The following EPS15L1 variants were observed in gnomAD, a reference collection of about 807,000 sequenced individuals.
EPS15L1 encodes epidermal growth factor receptor substrate 15-like 1.
EPS15L1 carries 43 observed loss-of-function variants against 117.1 expected under a neutral mutation model. The observed-to-expected ratio is 0.37, with a 90% CI of 0.29 to 0.47. EPS15L1 has a LOEUF of 0.47. Among genes scored for constraint, EPS15L1 ranks in the 20% least tolerant of loss-of-function variants. The pLI is 0.99. For missense variants in EPS15L1, 981 were observed against 1,164.0 expected, an observed-to-expected ratio of 0.84 and a Z score of 2.29; for synonymous variants, 459 against 470.5, an observed-to-expected ratio of 0.98 and a Z score of 0.32.
At chr19:16,401,155 G>A (rs1196015166) in intron 16 of EPS15L1, 5 of 985,246 alleles carry the variant, frequency 5.1e-6, no homozygotes, top group African/African-American at 3.5e-5. Context: ...ACCTCATTAC[G>A]AGTCCACGAG....
intron 16 of EPS15L1, among the ~76,000 whole-genome samples, chr19:16,399,043 A>G (rs1471721038): frequency 6.6e-6 from 1 of 152,154 alleles, no homozygotes; most frequent in East Asian, 1.9e-4. Flanking sequence ...CTGCCAAGTA[A>G]CAGTGAACAA....
chr19:16,387,713 C>G (rs1258235391), intron 19 of EPS15L1, among the ~76,000 whole-genome samples: 1 of 152,136 alleles, frequency 6.6e-6, no homozygotes, highest in Non-Finnish European at 1.5e-5. Context: ...TTGCAGTGAG[C>G]TGAGATCATG....
chr19:16,360,710 T>C (rs1039021948), intron 23 of EPS15L1, among the ~76,000 whole-genome samples: 2 of 152,152 alleles, frequency 1.3e-5, no homozygotes, highest in Non-Finnish European at 2.9e-5. Context: ...ATCGCGCCAA[T>C]GCAGACCAGG....
At chr19:16,358,183 G>A (rs2092007474) in intron 23 of EPS15L1, 1 of 152,784 alleles carries the variant, frequency 6.5e-6, no homozygotes, top group Non-Finnish European at 1.5e-5. Flanking sequence ...CCCTTGACGG[G>A]TCTGTGTTTC....
intron 13 of EPS15L1, among the ~76,000 whole-genome samples, chr19:16,411,794 G>T (rs1218891080): frequency 6.6e-6 from 1 of 152,066 alleles, no homozygotes; most frequent in African/African-American, 2.4e-5. Flanking sequence ...TAAACTCCTG[G>T]GCTCAAGTGA....
At chr19:16,442,094 C>T (rs1356563425) in intron 2 of EPS15L1, 84 bp downstream of exon 2, 9 of 1,492,320 alleles carry the variant, frequency 6.0e-6, no homozygotes, top group African/African-American at 1.4e-5. Context: ...GACAAAAGGC[C>T]GCTCAGCCGG....
chr19:16,377,437 C>T (rs1191184192), intron 21 of EPS15L1, among the ~76,000 whole-genome samples, 183 bp from the exon 22 acceptor site: 9 of 152,184 alleles, frequency 5.9e-5, no homozygotes, highest in Non-Finnish European at 1.2e-4. Flanking sequence ...CCACCCTCAA[C>T]AGCAGGGGCC....
At chr19:16,387,307 T>G (rs1179187672) in intron 19 of EPS15L1, among the ~76,000 whole-genome samples, 1 of 152,100 alleles carries the variant, frequency 6.6e-6, no homozygotes, top group African/African-American at 2.4e-5. Context: ...CTACTAAAAA[T>G]ACAAAAATTG....
Position 16,426,859 on chromosome 19 carries a change from A to C in EPS15L1, c.559-1543T>G, listed in dbSNP as rs899525817. Among the ~76,000 whole-genome samples the C allele has an allele frequency of 2.6e-5, 4 of 152,218 alleles. No individual in the cohort carries two copies. The South Asian group carries it at 8.3e-4, about 32-fold the overall frequency. ...ATAATAATAGACACGCTCATACAGAATATAAGGGGTATATACAGGATATAA... is the reference window on the plus strand; with the variant it reads ...ATAATAATAGACACGCTCATACAGACTATAAGGGGTATATACAGGATATAA... On this transcript the variant is annotated intron_variant, in intron 8 of 23. Coordinates refer to ENST00000455140, the MANE Select transcript of EPS15L1 (RefSeq NM_001258374.3).
At chr19:16,384,735 G>A (rs534431357) in intron 21 of EPS15L1, among the ~76,000 whole-genome samples, 4 of 152,292 alleles carry the variant, frequency 2.6e-5, no homozygotes, top group South Asian at 4.1e-4. Flanking sequence ...TCACATGGGC[G>A]ACTCTGAACA....
chr19:16,467,237 C>T (rs554091513), intron 1 of EPS15L1, among the ~76,000 whole-genome samples: 14 of 151,932 alleles, frequency 9.2e-5, no homozygotes, highest in Middle Eastern at 3.4e-3. Context: ...CAACCTCCGC[C>T]TCCTGGGTTC....
At chr19:16,458,512 G>T (rs528810109) in intron 1 of EPS15L1, among the ~76,000 whole-genome samples, 1 of 127,726 alleles carries the variant, frequency 7.8e-6, no homozygotes, top group Non-Finnish European at 1.6e-5. Flanking sequence ...CCTCACCCAC[G>T]GCCCTGCCTT....
At chr19:16,448,928 T>A (rs2093113443) in intron 1 of EPS15L1, among the ~76,000 whole-genome samples, 1 of 151,858 alleles carries the variant, frequency 6.6e-6, no homozygotes, top group South Asian at 2.1e-4. Context: ...ATCTAAAATA[T>A]ATACTAGAGA....
chr19:16,390,957 T>G (rs1036296471), intron 19 of EPS15L1, among the ~76,000 whole-genome samples: 1 of 152,190 alleles, frequency 6.6e-6, no homozygotes, highest in East Asian at 1.9e-4. Flanking sequence ...AAGTTGAAAA[T>G]GTACGTAATA....
intron 22 of EPS15L1, among the ~76,000 whole-genome samples, chr19:16,364,631 G>A (rs998369830): frequency 6.6e-6 from 1 of 152,218 alleles, no homozygotes; most frequent in Admixed American, 6.5e-5. Flanking sequence ...GGTAAGCCAA[G>A]GCCTCGCTGC....
rs143998806 is a variant in EPS15L1, at chr19:16,359,185, G to GA, written c.2586+2593dup. On this transcript the variant is annotated intron_variant, in intron 23 of 23. Transcript: ENST00000455140. ...ACAGCAGTCTCAGAACGTCCACGCTGAAAGAGTCACGCTGCCAATCTGCCG... is the reference window on the plus strand; with the variant it reads ...ACAGCAGTCTCAGAACGTCCACGCTGAAAAGAGTCACGCTGCCAATCTGCCG... Among the ~76,000 whole-genome samples the GA allele has an allele frequency of 4.5e-3, 683 of 152,316 alleles. 3 individuals are homozygous for GA. The highest frequency in any genetic ancestry group is 0.015 in the African/African-American group (614 of 41,578).
chr19:16,413,047 C>A, intron 13 of EPS15L1: 1 of 730,126 alleles, frequency 1.4e-6, no homozygotes, highest in Non-Finnish European at 2.4e-6. Flanking sequence ...CAGACCCGCG[C>A]CGGCCAGTGC....
chr19:16,419,906 C>CT (rs2092798094), intron 10 of EPS15L1, among the ~76,000 whole-genome samples: 1 of 152,228 alleles, frequency 6.6e-6, no homozygotes, highest in African/African-American at 2.4e-5. Flanking sequence ...GGAGTGTGGG[C>CT]TCCAAGGCCC....
At position 16,471,954 on chromosome 19, in the gene EPS15L1, G is replaced by A. The variant is rs928879155; in HGVS notation, c.-9C>T. 5.4e-6 allele frequency: 7 copies of A among 1,286,080 alleles called. No individual in the cohort carries two copies. Among genetic ancestry groups the A allele is most frequent in the East Asian group, 6.3e-5 (2 of 31,754 alleles). The allele number at this position is 1,286,080 out of a possible 1,614,324, so 79.7% of individuals were successfully genotyped here. A position where few individuals can be genotyped will look rare whatever the true frequency, so the allele number is the denominator to read the frequency against. On this transcript the variant is annotated 5_prime_UTR_variant, in exon 1 of 24. Transcript: ENST00000455140. This position sits in a 1 kb window ranked among gnomAD's most constrained non-coding sequence, Gnocchi z 4.8. Reference sequence around the variant, plus strand: ...ATGAGCGGCGCCGCCATCTTCCCGCGGACTCGGGCTCCGAGCGCCGGGGGA... The same window carrying A: ...ATGAGCGGCGCCGCCATCTTCCCGCAGACTCGGGCTCCGAGCGCCGGGGGA...
Sources: gnomAD v4.1 joint callset for allele counts (sites outside exome capture counted in the v4.1 genomes callset) on GRCh38, gnomAD v4.1.1 for gene constraint, Gnocchi (gnomAD v3.1) non-coding constraint, MANE v1.5 for transcripts, NCBI Gene and HGNC (gene_info 2026-07-23, HGNC 2026-07-21) for gene names.